HSPA12A: variants seen among roughly 807,000 people sequenced by gnomAD.
HSPA12A encodes heat shock protein family A (Hsp70) member 12A.
Under a neutral mutation model 69.2 loss-of-function variants are expected in HSPA12A, and 28 were observed. That is an observed-to-expected ratio of 0.40 (90% CI 0.30 to 0.55). The LOEUF (loss-of-function observed/expected upper bound fraction) is 0.55. Among genes scored for constraint, HSPA12A ranks in the 20% least tolerant of loss-of-function variants. The pLI, the probability that HSPA12A is intolerant of heterozygous loss-of-function variation, is 0.38. For missense variants in HSPA12A, 686 were observed against 900.7 expected, an observed-to-expected ratio of 0.76 and a Z score of 3.05; for synonymous variants, 345 against 370.5, an observed-to-expected ratio of 0.93 and a Z score of 0.79.
At chr10:116,759,958 A>G (rs1554889132) in intron 2 of HSPA12A, among the ~76,000 whole-genome samples, 1 of 152,152 alleles carries the variant, frequency 6.6e-6, no homozygotes, top group African/African-American at 2.4e-5. Flanking sequence ...TTCCACCATG[A>G]GGGTAAGGCC....
intron 5 of HSPA12A, among the ~76,000 whole-genome samples, chr10:116,692,705 G>C (rs1212688257): frequency 2.0e-5 from 3 of 152,196 alleles, no homozygotes; most frequent in African/African-American, 7.2e-5. Flanking sequence ...AGGAGGATCA[G>C]AGGAAATCCC....
intron 2 of HSPA12A, 82 bp downstream of exon 2, chr10:116,707,118 T>G (rs1265442787): frequency 4.5e-6 from 5 of 1,114,522 alleles, no homozygotes; most frequent in Non-Finnish European, 6.3e-6. Flanking sequence ...GCAAAGGAAG[T>G]CAGTACGCAC....
rs74805873 is a variant in HSPA12A at position 116,713,237 on chromosome 10, A to G, written c.41-5952T>C. Among the ~76,000 whole-genome samples, 836 of 152,018 alleles carry G rather than the reference A, an allele frequency of 5.5e-3. 10 individuals carry two copies. Among genetic ancestry groups the G allele is most frequent in the African/African-American group, 0.019 (795 of 41,444 alleles). On this transcript the variant is annotated intron_variant, in intron 1 of 11. Transcript: ENST00000369209. The stretch of plus-strand genomic sequence containing the variant: ...CTTTTATTACCCTATAACAGGCTTC[A>G]TGGCTAGCTGAACTAATGCATTATT...
intron 2 of HSPA12A, among the ~76,000 whole-genome samples, chr10:116,755,988 A>C (rs1482051187): frequency 1.3e-5 from 2 of 152,060 alleles, no homozygotes; most frequent in African/African-American, 4.8e-5. Context: ...CTCTGTCTCA[A>C]AAAAGAAAAG....
chr10:116,778,468 G>T (rs1468797884), intron 2 of HSPA12A, among the ~76,000 whole-genome samples: 1 of 152,170 alleles, frequency 6.6e-6, no homozygotes, highest in South Asian at 2.1e-4. Context: ...CAGGGCTGTG[G>T]TCCCTCCCTC....
chr10:116,750,515 G>T, intron 2 of HSPA12A: 1 of 447,344 alleles, frequency 2.2e-6, no homozygotes, highest in Non-Finnish European at 4.2e-6. Flanking sequence ...GAATGTCGTG[G>T]ATTATACGCA....
rs538192312 is a variant in HSPA12A at position 116,686,668 on chromosome 10, G to A, written c.664-2706C>T. Among the ~76,000 whole-genome samples, 299 of 152,218 alleles carry A rather than the reference G, an allele frequency of 2.0e-3. 1 individual carries two copies. Among genetic ancestry groups the A allele is most frequent in the African/African-American group, 4.9e-3 (204 of 41,538 alleles). ...AAAAAGCAAGGTGGGCCTGGGCCAC[G>A]GCAGCAGGGACAGGGATGGGAAGGG... On this transcript the variant is annotated intron_variant, in intron 6 of 11. Transcript: ENST00000369209. The surrounding 1 kb of genome is among the most constrained non-coding windows in gnomAD (Gnocchi z 4.1).
At chr10:116,831,477 G>A (rs568398715) in intron 2 of HSPA12A, 21 of 152,356 alleles carry the variant, frequency 1.4e-4, no homozygotes, top group African/African-American at 5.1e-4. Flanking sequence ...ACCAGAGTGA[G>A]GGTTCAAGGT....
intron 2 of HSPA12A, among the ~76,000 whole-genome samples, chr10:116,779,017 C>A (rs1040749262): frequency 7.9e-5 from 12 of 152,170 alleles, no homozygotes; most frequent in Non-Finnish European, 1.3e-4. Context: ...TCACACAGGT[C>A]TTTAATCCTG....
At position 116,695,848 on chromosome 10, in the gene HSPA12A, C is replaced by A. The variant is rs923068782; in HGVS notation, c.546+2787G>T. On this transcript the variant is annotated intron_variant, in intron 5 of 11. Transcript: ENST00000369209. ...ACAAAAACAAAGAAAAAAGAAAAAA[C>A]AAAAATTAGCTGGGCATGGTGGCAC... Among the ~76,000 whole-genome samples, 115 of 143,902 alleles carry A rather than the reference C, an allele frequency of 8.0e-4. 4 individuals carry two copies. Among genetic ancestry groups the A allele is most frequent in the Admixed American group, 6.2e-3 (91 of 14,584 alleles). The allele number at this position is 143,902 out of a possible 152,430, so 94.4% of individuals were successfully genotyped here. A position where few individuals can be genotyped will look rare whatever the true frequency, so the allele number is the denominator to read the frequency against.
At chr10:116,809,588 C>A (rs948667373) in intron 2 of HSPA12A, among the ~76,000 whole-genome samples, 9 of 152,210 alleles carry the variant, frequency 5.9e-5, no homozygotes, top group African/African-American at 2.2e-4. Context: ...AGCAATACTG[C>A]CGCTGCTGCT....
At chr10:116,707,378 A>G (rs1850290222) in intron 1 of HSPA12A, 93 bp from the exon 2 acceptor site, 2 of 982,614 alleles carry the variant, frequency 2.0e-6, no homozygotes, top group Non-Finnish European at 1.6e-6. Context: ...TCCTCCAGGA[A>G]CTGCGGCCTC....
upstream of HSPA12A, among the ~76,000 whole-genome samples, chr10:116,743,192 C>G (rs1034217582): frequency 3.3e-5 from 5 of 152,238 alleles, no homozygotes; most frequent in Admixed American, 1.3e-4. Flanking sequence ...GAGGCTGAGT[C>G]GCGCCTTCCA....
intron 2 of HSPA12A, among the ~76,000 whole-genome samples, chr10:116,803,489 G>T (rs1681738): frequency 0.3 from 45,534 of 152,010 alleles, 8,291 homozygotes; most frequent in Non-Finnish European, 0.41. Flanking sequence ...TTCTAATAAA[G>T]CACAAAAACA....
chr10:116,762,686 C>A (rs142799582), intron 2 of HSPA12A, among the ~76,000 whole-genome samples: 1 of 152,194 alleles, frequency 6.6e-6, no homozygotes, highest in African/African-American at 2.4e-5. Flanking sequence ...TGGGTTCAAG[C>A]GATTCTTCTG....
At chr10:116,724,984 G>A (rs1274296674) in intron 1 of HSPA12A, among the ~76,000 whole-genome samples, 3 of 152,266 alleles carry the variant, frequency 2.0e-5, no homozygotes, top group East Asian at 1.9e-4. Flanking sequence ...TCTCAGCTCC[G>A]TCCCCCAGAG....
chr10:116,804,169 G>A (rs567260968), intron 2 of HSPA12A, among the ~76,000 whole-genome samples: 3 of 152,098 alleles, frequency 2.0e-5, no homozygotes, highest in East Asian at 1.9e-4. Context: ...AACGATGCAC[G>A]CATTTTCTTA....
intron 1 of HSPA12A, among the ~76,000 whole-genome samples, chr10:116,711,673 T>TC (rs1267968355): frequency 2.0e-5 from 3 of 146,422 alleles, no homozygotes; most frequent in Non-Finnish European, 3.0e-5. Context: ...TTTTCTTTTT[T>TC]TTTTTTTTCG....
At chr10:116,771,696 T>C (rs559956277) in intron 2 of HSPA12A, among the ~76,000 whole-genome samples, 7 of 152,342 alleles carry the variant, frequency 4.6e-5, no homozygotes, top group African/African-American at 1.7e-4. Context: ...AGGCAGTCCC[T>C]GCAGTTTCTC....
Sources: allele counts gnomAD v4.1 joint callset (sites outside exome capture counted in the v4.1 genomes callset), GRCh38; gene constraint gnomAD v4.1.1; non-coding constraint Gnocchi (gnomAD v3.1); transcripts MANE v1.5; gene names NCBI Gene and HGNC (gene_info 2026-07-23, HGNC 2026-07-21).